Variants in LPO observed in about 807,000 individuals in gnomAD.
LPO encodes lactoperoxidase.
LPO carries 70 observed loss-of-function variants against 68.4 expected under a neutral mutation model. That is an observed-to-expected ratio of 1.02 (90% CI 0.84 to 1.25). The LOEUF is 1.25. Ranked by LOEUF, LPO falls within the 50% of genes most tolerant of loss-of-function variation. The pLI is 0.00. For synonymous variants in LPO, 360 were observed against 357.6 expected (o/e 1.01, Z -0.08); for missense variants, 873 against 908.4 (o/e 0.96, Z 0.50).
At chr17:58,259,945 A>G (rs1385382851) in intron 9 of LPO, among the ~76,000 whole-genome samples, 1 of 152,094 alleles carries the variant, frequency 6.6e-6, no homozygotes, top group Non-Finnish European at 1.5e-5. Flanking sequence ...TCTCCTGAGT[A>G]GCTGGGATTA....
At chr17:58,267,199 G>C in intron 11 of LPO, 150 bp from the exon 12 acceptor site, 2 of 613,640 alleles carry the variant, frequency 3.3e-6, no homozygotes, top group Non-Finnish European at 5.7e-6. Flanking sequence ...TTGAAGTGCA[G>C]ATAAAAAACA....
intron 10 of LPO, among the ~76,000 whole-genome samples, chr17:58,265,425 A>G (rs1970244989): frequency 1.3e-5 from 2 of 152,078 alleles, no homozygotes; most frequent in Admixed American, 1.3e-4. Flanking sequence ...TCCCTAGGCT[A>G]TGTTGTGTTG....
intron 5 of LPO, 90 bp from the exon 6 acceptor site, chr17:58,249,476 C>A: frequency 3.3e-6 from 5 of 1,509,142 alleles, no homozygotes; most frequent in Admixed American, 2.2e-5. Context: ...CCCTCCGCCT[C>A]GAGCAGAGGC....
rs1288176038 is a variant in LPO, at chr17:58,250,528, CTT to C, written c.689_690del (p.Phe230CysfsTer3). On this transcript the variant is annotated frameshift_variant, in exon 7 of 13. Transcript: ENST00000262290. LOFTEE classifies it high-confidence loss of function. ...GTCAGATTGTGGATCATGACCTGGA[CTT>C]TGCCCCTGACACCGAGCTGGGGAGT... is the stretch of plus-strand genomic sequence containing the variant. ...WGQIVDHDLD[F>X]APDTELGSSE... 7 of 1,614,022 alleles carry C rather than the reference CTT, an allele frequency of 4.3e-6. No individual in the cohort carries two copies. Among genetic ancestry groups the C allele is most frequent in the Non-Finnish European group, 5.9e-6 (7 of 1,180,040 alleles).
chr17:58,249,772 G>T lies in LPO; in HGVS notation c.573+77G>T, dbSNP rs1015922103. The T allele has an allele frequency of 4.1e-6, 6 of 1,467,908 alleles. No homozygotes were observed. The African/African-American group carries it at 7.2e-5, about 18-fold the overall frequency. 90.9% of individuals were successfully genotyped at this position (1,467,908 alleles called of 1,614,324 possible). ...GCACTACCCAAACACGCAGTGAAAG[G>T]AGGAGGAGGGATCGGTGGGGGCAGC... On this transcript the variant is annotated intron_variant, in intron 6 of 12. Coordinates refer to ENST00000262290, the MANE Select transcript of LPO (RefSeq NM_006151.3).
At chr17:58,247,144 G>T (rs1969864919) in intron 3 of LPO, among the ~76,000 whole-genome samples, 1 of 152,172 alleles carries the variant, frequency 6.6e-6, no homozygotes, top group Non-Finnish European at 1.5e-5. Flanking sequence ...TGTCTGTCCA[G>T]CTCTAAGCCC....
At chr17:58,265,301 G>A (rs927775469) in intron 10 of LPO, among the ~76,000 whole-genome samples, 5 of 151,812 alleles carry the variant, frequency 3.3e-5, no homozygotes, top group African/African-American at 7.3e-5. Context: ...TCCTTTCCCC[G>A]CCCTAGGCTT....
At chr17:58,261,561 G>C (rs8178376) in intron 9 of LPO, among the ~76,000 whole-genome samples, 2,194 of 151,086 alleles carry the variant, frequency 0.015, 31 homozygotes, top group Middle Eastern at 0.034. Flanking sequence ...AAAAGGAAAA[G>C]AAATATACTC....
chr17:58,249,626 C>T lies in LPO; in HGVS notation c.504C>T (p.Tyr168=), dbSNP rs1216304052. The T allele has an allele frequency of 1.9e-6, 3 of 1,602,046 alleles. No individual in the cohort carries two copies. The highest frequency in any genetic ancestry group is 2.5e-6 in the Non-Finnish European group (3 of 1,178,846). Residue 168 remains tyrosine (Y), a synonymous_variant, in exon 6 of 13, where the codon TAC becomes TAT. Coordinates refer to ENST00000262290, the MANE Select transcript of LPO (RefSeq NM_006151.3). ...RALARWLPAE[Y]EDGLSLPFGW... ...TGGCGCGCTGGCTGCCCGCGGAGTACGAGGACGGGCTCTCCCTGCCCTTCG... is the reference window on the plus strand; with the variant it reads ...TGGCGCGCTGGCTGCCCGCGGAGTATGAGGACGGGCTCTCCCTGCCCTTCG...
intron 1 of LPO, among the ~76,000 whole-genome samples, chr17:58,241,001 A>G (rs1969744628): frequency 6.6e-6 from 1 of 152,144 alleles, no homozygotes; most frequent in African/African-American, 2.4e-5. Context: ...AAAATGTTCT[A>G]GAGATCCATT....
At chr17:58,242,946 G>A (rs1969783182) in intron 1 of LPO, 32 bp from the exon 2 acceptor site, 1 of 1,600,724 alleles carries the variant, frequency 6.2e-7, no homozygotes, top group Non-Finnish European at 8.6e-7. Context: ...TCTCTAGAGA[G>A]GCTCACAGTG....
At chr17:58,240,098 A>C (rs1598016849) in intron 1 of LPO, among the ~76,000 whole-genome samples, 1 of 152,236 alleles carries the variant, frequency 6.6e-6, no homozygotes, top group East Asian at 1.9e-4. Context: ...GGGAGGACAG[A>C]AAAAGGAACG....
chr17:58,252,954 C>T (rs1969989162), intron 8 of LPO, among the ~76,000 whole-genome samples: 2 of 130,338 alleles, frequency 1.5e-5, no homozygotes, highest in South Asian at 2.7e-4. Flanking sequence ...ACCCAGGAGG[C>T]GGAGGTTGCA....
intron 9 of LPO, among the ~76,000 whole-genome samples, chr17:58,262,211 C>T (rs548380632): frequency 6.6e-6 from 1 of 152,306 alleles, no homozygotes; most frequent in Non-Finnish European, 1.5e-5. Context: ...AGCAAATTCT[C>T]TGAGTCTTCC....
chr17:58,254,782 A>C (rs1477205916), intron 8 of LPO, 29 bp from the exon 9 acceptor site: 5 of 1,612,068 alleles, frequency 3.1e-6, no homozygotes, highest in Non-Finnish European at 4.2e-6. Flanking sequence ...GTTAGGGAGA[A>C]TCTACCTTCC....
At chr17:58,267,227 C>T in intron 11 of LPO, 122 bp from the exon 12 acceptor site, 1 of 681,824 alleles carries the variant, frequency 1.5e-6, no homozygotes. Flanking sequence ...CCCTCCTTCC[C>T]CATCCCAAAG....
At chr17:58,246,787 G>C (rs960436109) in intron 3 of LPO, among the ~76,000 whole-genome samples, 1 of 152,176 alleles carries the variant, frequency 6.6e-6, no homozygotes, top group Non-Finnish European at 1.5e-5. Context: ...AGCTCTGGGG[G>C]CCCTACATTC....
At position 58,267,496 on chromosome 17, in the gene LPO, T is replaced by C. The variant is rs8178408; in HGVS notation, c.1841T>C (p.Ile614Thr). The change falls in exon 12 of 13, where the codon ATT becomes ACT. Residue 614 changes from isoleucine (I) to threonine (T), a missense_variant. By Grantham distance (89) the Ile-to-Thr change is moderately conservative. Transcript: ENST00000262290. ...PDNIDIWIGA[I>T]AEPLVERGRV... is the part of the protein sequence containing the mutation. ...AACATCGACATCTGGATAGGGGCCA[T>C]TGCTGAGCCGCTGGTGGAAAGGGGT... 2.0e-4 allele frequency: 315 copies of C among 1,614,208 alleles called. No individual in the cohort carries two copies. In the African/African-American group the frequency reaches 2.5e-3, roughly 13 times the overall value.
intron 1 of LPO, among the ~76,000 whole-genome samples, chr17:58,241,548 T>G (rs771444787): frequency 3.9e-5 from 6 of 152,052 alleles, no homozygotes; most frequent in Non-Finnish European, 7.4e-5. Context: ...CAAAATATGG[T>G]GACAGAGGGA....
Sources: gnomAD v4.1 joint callset for allele counts (sites outside exome capture counted in the v4.1 genomes callset) on GRCh38, gnomAD v4.1.1 for gene constraint, MANE v1.5 for transcripts, NCBI Gene and HGNC (gene_info 2026-07-23, HGNC 2026-07-21) for gene names.